The following TRIM54 variants were observed in gnomAD, a reference collection of about 807,000 sequenced individuals.
TRIM54 encodes tripartite motif-containing protein 54.
A neutral mutation model predicts 42.0 loss-of-function variants in TRIM54; 40 were observed. The ratio of observed to expected loss-of-function variants is 0.95; its 90% confidence interval spans 0.74 to 1.24. The LOEUF is 1.24. Ranked by LOEUF, TRIM54 falls within the 50% of genes most tolerant of loss-of-function variation. TRIM54 has a pLI of 0.00. For synonymous variants in TRIM54, 199 were observed against 194.9 expected, an observed-to-expected ratio of 1.02 and a Z score of -0.17; for missense variants, 485 against 480.3, an observed-to-expected ratio of 1.01 and a Z score of -0.09.
chr2:27,306,027 C>A lies in TRIM54; in HGVS notation c.844-53C>A. On this transcript the variant is annotated intron_variant, in intron 5 of 8. Coordinates refer to ENST00000380075, the MANE Select transcript of TRIM54 (RefSeq NM_187841.3). The surrounding 1 kb of genome is among the most constrained non-coding windows in gnomAD (Gnocchi z 6.1). ...ACTGTGGTGAGATTCAGAAATGGGACTTTGCCCAGGTTGGCCCAGTGCTTA... is the reference window on the plus strand; with the variant it reads ...ACTGTGGTGAGATTCAGAAATGGGAATTTGCCCAGGTTGGCCCAGTGCTTA... 1 of 1,609,884 alleles carries A rather than the reference C, an allele frequency of 6.2e-7. No individual in the cohort carries two copies. The highest frequency in any genetic ancestry group is 8.5e-7 in the Non-Finnish European group (1 of 1,177,962).
rs368576592 is a variant in TRIM54 at position 27,305,683 on chromosome 2, C to G, written c.709C>G (p.Arg237Gly). 23 of 1,612,890 alleles carry G rather than the reference C, an allele frequency of 1.4e-5. No individual in the cohort carries two copies. The highest frequency in any genetic ancestry group is 1.9e-5 in the Non-Finnish European group (23 of 1,179,700). Reference protein sequence around the residue: ...RKGELLQALAREQEEKLQRVR... With the variant: ...RKGELLQALAGEQEEKLQRVR... Reference sequence around the variant, plus strand: ...GGGTGAGCTGCTGCAGGCGCTGGCCCGGGAGCAAGAGGAGAAGCTGCAGCG... The same window carrying G: ...GGGTGAGCTGCTGCAGGCGCTGGCCGGGGAGCAAGAGGAGAAGCTGCAGCG... The change falls in exon 5 of 9, where the codon CGG becomes GGG. Residue 237 changes from arginine (R) to glycine (G), a missense_variant. Arg to Gly is a moderately radical substitution (Grantham distance 125). Transcript: ENST00000380075.
In TRIM54 at chr2:27,306,295, G is replaced by A. The variant is rs1424980831; in HGVS notation, c.949G>A (p.Glu317Lys). ...CATGGAGCAATTCACCGTAAGGGTGGAGCACGTGGCCGAAATGCTGCGGAC... is the reference window on the plus strand; with the variant it reads ...CATGGAGCAATTCACCGTAAGGGTGAAGCACGTGGCCGAAATGCTGCGGAC... ...ESMEQFTVRV[E>K]HVAEMLRTID... Residue 317 changes from glutamate (E) to lysine (K), a missense_variant, in exon 7 of 9, where the codon GAG becomes AAG. Glu to Lys is a moderately conservative substitution (Grantham distance 56, BLOSUM62 1). Transcript: ENST00000380075. This position sits in a 1 kb window ranked among gnomAD's most constrained non-coding sequence, Gnocchi z 6.1. 3.7e-6 allele frequency: 6 copies of A among 1,614,160 alleles called. No individual in the cohort carries two copies. Among genetic ancestry groups the A allele is most frequent in the Non-Finnish European group, 5.1e-6 (6 of 1,180,016 alleles).
At chr2:27,286,286 C>T (rs1429694076) in intron 1 of TRIM54, among the ~76,000 whole-genome samples, 3 of 151,874 alleles carry the variant, frequency 2.0e-5, no homozygotes, top group African/African-American at 4.8e-5. Context: ...GCAATTTTTG[C>T]ATATTACATT....
intron 1 of TRIM54, among the ~76,000 whole-genome samples, chr2:27,285,647 A>G (rs941688118): frequency 6.6e-6 from 1 of 152,116 alleles, no homozygotes; most frequent in Non-Finnish European, 1.5e-5. Context: ...CTCAGGCGAG[A>G]CCCATCGCCC....
intron 1 of TRIM54, among the ~76,000 whole-genome samples, chr2:27,298,314 T>C (rs1218683186): frequency 1.3e-5 from 2 of 152,154 alleles, no homozygotes; most frequent in Non-Finnish European, 2.9e-5. Flanking sequence ...GACTATGCCT[T>C]GACCAAAGCT....
chr2:27,302,791 C>T (rs1160854219), intron 3 of TRIM54, among the ~76,000 whole-genome samples: 6 of 152,110 alleles, frequency 3.9e-5, no homozygotes, highest in Admixed American at 1.3e-4. Flanking sequence ...AACTCTGTCT[C>T]GAAAATAAAA....
intron 1 of TRIM54, among the ~76,000 whole-genome samples, chr2:27,290,179 G>A (rs911372325): frequency 2.6e-5 from 4 of 151,828 alleles, no homozygotes; most frequent in African/African-American, 9.7e-5. Context: ...CTTTTTAAGA[G>A]ACACTATCTC....
rs1489247699 is a variant in TRIM54, at chr2:27,306,319, A to C, written c.973A>C (p.Thr325Pro). 1.2e-6 allele frequency: 2 copies of C among 1,614,090 alleles called. No individual in the cohort carries two copies. The highest frequency in any genetic ancestry group is 4.5e-5 in the East Asian group (2 of 44,872). The change falls in exon 7 of 9, where the codon ACC becomes CCC. Residue 325 changes from threonine to proline, a missense_variant. By Grantham distance (38) the Thr-to-Pro change is conservative (BLOSUM62 -1). Coordinates refer to ENST00000380075, the MANE Select transcript of TRIM54 (RefSeq NM_187841.3). This position sits in a 1 kb window ranked among gnomAD's most constrained non-coding sequence, Gnocchi z 6.1. Reference sequence around the variant, plus strand: ...GGAGCACGTGGCCGAAATGCTGCGGACCATCGACTTCCAGCCAGGTGAAGG... The same window carrying C: ...GGAGCACGTGGCCGAAATGCTGCGGCCCATCGACTTCCAGCCAGGTGAAGG... ...RVEHVAEMLR[T>P]IDFQPGASGE...
chr2:27,305,306 T>C, intron 4 of TRIM54: 1 of 587,904 alleles, frequency 1.7e-6, no homozygotes. Context: ...ATGATGATAA[T>C]GATACACCAG....
At chr2:27,295,912 C>T (rs1324814120) in intron 1 of TRIM54, among the ~76,000 whole-genome samples, 3 of 152,198 alleles carry the variant, frequency 2.0e-5, no homozygotes, top group African/African-American at 7.2e-5. Context: ...TACACTTTAA[C>T]GCATTCCCTA....
intron 3 of TRIM54, 80 bp from the exon 4 acceptor site, chr2:27,304,879 C>T: frequency 7.5e-7 from 1 of 1,342,158 alleles, no homozygotes; most frequent in Non-Finnish European, 1.0e-6. Context: ...CCAGCCCTCT[C>T]CTAGGCAACC....
At position 27,306,159 on chromosome 2, in the gene TRIM54, G is replaced by T; in HGVS notation, c.867-54G>T. On this transcript the variant is annotated intron_variant, in intron 6 of 8. Transcript: ENST00000380075. The surrounding 1 kb of genome is among the most constrained non-coding windows in gnomAD (Gnocchi z 6.1). ...GGGCTGCACTGCTCCACTGGCTGGG[G>T]TGGGGCTTGAGAGTGCTGGGGCATT... The T allele has an allele frequency of 6.2e-7, 1 of 1,614,010 alleles. No homozygotes were observed. Among genetic ancestry groups the T allele is most frequent in the Non-Finnish European group, 8.5e-7 (1 of 1,179,990 alleles).
intron 3 of TRIM54, among the ~76,000 whole-genome samples, chr2:27,301,709 A>G (rs1287579502): frequency 1.3e-5 from 2 of 152,048 alleles, no homozygotes; most frequent in South Asian, 2.1e-4. Context: ...CCGACCTCCT[A>G]TCTCATCCTA....
intron 1 of TRIM54, among the ~76,000 whole-genome samples, chr2:27,295,989 A>G (rs953830225): frequency 2.0e-4 from 30 of 152,240 alleles, no homozygotes; most frequent in African/African-American, 7.2e-4. Flanking sequence ...CATGCCTTGA[A>G]TTATCTCAAA....
At chr2:27,288,223 T>C (rs2148189757) in intron 1 of TRIM54, among the ~76,000 whole-genome samples, 1 of 152,346 alleles carries the variant, frequency 6.6e-6, no homozygotes, top group African/African-American at 2.4e-5. Flanking sequence ...CCATCATTCA[T>C]CACTGGCCAG....
In TRIM54 at chr2:27,299,241, C is replaced by G. The variant is rs754059567; in HGVS notation, c.342-4C>G. On this transcript the variant is annotated splice_polypyrimidine_tract_variant and splice_region_variant and intron_variant, in intron 2 of 8. Coordinates refer to ENST00000380075, the MANE Select transcript of TRIM54 (RefSeq NM_187841.3). Reference sequence around the variant, plus strand: ...TCCACCTCCCCCTGCCCACTCCTCTCTAGGCCGCTGCACTCCAAGGCTGAG... The same window carrying G: ...TCCACCTCCCCCTGCCCACTCCTCTGTAGGCCGCTGCACTCCAAGGCTGAG... 3 of 1,613,616 alleles carry G rather than the reference C, an allele frequency of 1.9e-6. No homozygotes were observed. Among genetic ancestry groups the G allele is most frequent in the Non-Finnish European group, 2.5e-6 (3 of 1,180,040 alleles).
rs552589816 is a variant in TRIM54, at chr2:27,284,387, C to T, written c.168+1488C>T. 7.2e-5 allele frequency among the ~76,000 whole-genome samples: 11 copies of T among 152,298 alleles called. No homozygotes were observed. The East Asian group carries it at 1.9e-3, about 27-fold the overall frequency. On this transcript the variant is annotated intron_variant, in intron 1 of 8. Transcript: ENST00000380075. ...CCACAATGTACCCTGTGACCCACACCTTGTGTGTCTGCTCTGTGCCACCTT... is the reference window on the plus strand; with the variant it reads ...CCACAATGTACCCTGTGACCCACACTTTGTGTGTCTGCTCTGTGCCACCTT...
chr2:27,282,810 C>G lies in TRIM54; in HGVS notation c.79C>G (p.Pro27Ala). 6.2e-7 allele frequency: 1 copy of G among 1,614,068 alleles called. No homozygotes were observed. Among genetic ancestry groups the G allele is most frequent in the Non-Finnish European group, 8.5e-7 (1 of 1,179,964 alleles). Residue 27 changes from proline (P) to alanine (A), a missense_variant, in exon 1 of 9, where the codon CCC (proline) becomes GCC (alanine). Transcript: ENST00000380075. Reference sequence around the variant, plus strand: ...CAACCTGGAGAAGCAGCTCATCTGCCCCATCTGCCTGGAGATGTTCTCCAA... The same window carrying G: ...CAACCTGGAGAAGCAGCTCATCTGCGCCATCTGCCTGGAGATGTTCTCCAA... ...MDNLEKQLIC[P>A]ICLEMFSKPV... is the part of the protein sequence containing the mutation.
At chr2:27,286,806 C>T (rs187636111) in intron 1 of TRIM54, among the ~76,000 whole-genome samples, 2 of 152,276 alleles carry the variant, frequency 1.3e-5, no homozygotes, top group Admixed American at 6.5e-5. Context: ...ACTTTTGTTT[C>T]GCGCCACCCA....
Sources: allele counts gnomAD v4.1 joint callset (sites outside exome capture counted in the v4.1 genomes callset), GRCh38; gene constraint gnomAD v4.1.1; non-coding constraint Gnocchi (gnomAD v3.1); transcripts MANE v1.5; gene names NCBI Gene and HGNC (gene_info 2026-07-23, HGNC 2026-07-21).